The following BRINP3 variants were observed in gnomAD, a reference collection of about 807,000 sequenced individuals.
BRINP3 encodes BMP/retinoic acid inducible neural specific 3.
In BRINP3, 19 loss-of-function variants were observed where a neutral mutation model predicts 71.0. The ratio of observed to expected loss-of-function variants is 0.27; its 90% CI spans 0.19 to 0.39. BRINP3 has a LOEUF of 0.39. BRINP3 is among the 10% of genes least tolerant of loss of function. The pLI is 1.00. For missense variants in BRINP3, 959 were observed against 940.8 expected (o/e 1.02, Z -0.25); for synonymous variants, 380 against 337.7 (o/e 1.13, Z -1.37).
intron 2 of BRINP3, among the ~76,000 whole-genome samples, chr1:190,414,068 G>A (rs533273116): frequency 6.6e-6 from 1 of 152,138 alleles, no homozygotes; most frequent in East Asian, 1.9e-4. Flanking sequence ...GCTCAGGCAT[G>A]AGCCACCCTA....
chr1:190,242,763 T>C (rs1357670567), intron 4 of BRINP3, among the ~76,000 whole-genome samples: 1 of 152,082 alleles, frequency 6.6e-6, no homozygotes, highest in Non-Finnish European at 1.5e-5. Flanking sequence ...ATAAAGTATA[T>C]GCAGAATAAC....
intron 1 of BRINP3, among the ~76,000 whole-genome samples, chr1:190,458,041 A>G (rs909592219): frequency 6.6e-6 from 1 of 152,096 alleles, no homozygotes; most frequent in African/African-American, 2.4e-5. Context: ...AACATATGGG[A>G]AGATAGAAAG....
intron 2 of BRINP3, among the ~76,000 whole-genome samples, chr1:190,369,546 A>C (rs912936955): frequency 7.9e-5 from 12 of 152,270 alleles, no homozygotes; most frequent in African/African-American, 2.9e-4. Flanking sequence ...TATTCACATT[A>C]ATATTAAATG....
intron 2 of BRINP3, among the ~76,000 whole-genome samples, chr1:190,337,868 ATTGTTG>A (rs372440917): frequency 2.0e-5 from 3 of 151,704 alleles, no homozygotes; most frequent in South Asian, 2.1e-4. Context: ...CTTGGGTTTT[ATTGTTG>A]TTGTTGTTGT....
intron 2 of BRINP3, among the ~76,000 whole-genome samples, chr1:190,397,254 C>A (rs898543406): frequency 3.3e-5 from 5 of 151,938 alleles, no homozygotes; most frequent in African/African-American, 1.2e-4. Flanking sequence ...AAGAAAAATA[C>A]CAGTTTCATG....
At chr1:190,217,053 T>C (rs962746379) in intron 6 of BRINP3, 3 of 151,956 alleles carry the variant, frequency 2.0e-5, no homozygotes, top group Admixed American at 6.6e-5. Flanking sequence ...ATGTAGAGTA[T>C]AACAGGATTT....
intron 2 of BRINP3, among the ~76,000 whole-genome samples, chr1:190,397,586 A>C (rs949547977): frequency 1.3e-5 from 2 of 151,998 alleles, no homozygotes; most frequent in Non-Finnish European, 2.9e-5. Flanking sequence ...GAAACTCCTT[A>C]ATATAATTAT....
intron 4 of BRINP3, among the ~76,000 whole-genome samples, chr1:190,250,672 G>C (rs1411813033): frequency 6.6e-6 from 1 of 151,950 alleles, no homozygotes; most frequent in Non-Finnish European, 1.5e-5. Context: ...CTGTAGTATG[G>C]TTTAAGATAG....
Position 190,098,468 on chromosome 1 carries a change from T to C in BRINP3, c.1851A>G (p.Lys617=). Residue 617 remains lysine (K), a synonymous_variant, in exon 8 of 8, where the codon AAA becomes AAG. Coordinates refer to ENST00000367462, the MANE Select transcript of BRINP3 (RefSeq NM_199051.3). ...CYNWTLTLGN[K]WKTFFETVHI... ...GTACTGTCTCAAAAAATGTCTTCCA[T>C]TTGTTCCCCAGAGTTAATGTCCAGT... The C allele has an allele frequency of 6.2e-7, 1 of 1,614,146 alleles. No individual in the cohort carries two copies. The highest frequency in any genetic ancestry group is 8.5e-7 in the Non-Finnish European group (1 of 1,180,028).
chr1:190,373,324 AG>A (rs1486477755), intron 2 of BRINP3, among the ~76,000 whole-genome samples: 1 of 151,942 alleles, frequency 6.6e-6, no homozygotes, highest in Non-Finnish European at 1.5e-5. Context: ...CAGGAGGCGA[AG>A]GTTGCAGTGA....
At position 190,148,452 on chromosome 1, in the gene BRINP3, C is replaced by T. The variant is rs1307708839; in HGVS notation, c.1184+12216G>A. The stretch of plus-strand genomic sequence containing the variant: ...ACTAAAAATACAAAAAAAAACTAGC[C>T]GGGCGTGGTGGCGGGCGCCTGTAGT... On this transcript the variant is annotated intron_variant, in intron 7 of 7. Transcript: ENST00000367462. 4.6e-5 allele frequency among the ~76,000 whole-genome samples: 7 copies of T among 151,526 alleles called. 1 individual carries two copies. Among genetic ancestry groups the T allele is most frequent in the East Asian group, 3.9e-4 (2 of 5,134 alleles).
intron 7 of BRINP3, among the ~76,000 whole-genome samples, chr1:190,115,991 CT>C (rs1405250902): frequency 6.6e-6 from 1 of 152,070 alleles, no homozygotes; most frequent in Non-Finnish European, 1.5e-5. Context: ...ATTAACTTTG[CT>C]AATTCATTCA....
intron 2 of BRINP3, among the ~76,000 whole-genome samples, chr1:190,430,633 G>A (rs568730621): frequency 1.8e-4 from 27 of 152,150 alleles, no homozygotes; most frequent in Middle Eastern, 3.2e-3. Context: ...GGTATTACAC[G>A]TGAGTTTCTC....
chr1:190,458,144 G>C (rs1676134145), intron 1 of BRINP3, among the ~76,000 whole-genome samples: 1 of 151,878 alleles, frequency 6.6e-6, no homozygotes, highest in South Asian at 2.1e-4. Flanking sequence ...AATTATTTCT[G>C]TTTTTTCTAC....
intron 3 of BRINP3, among the ~76,000 whole-genome samples, chr1:190,276,848 G>A (rs1026035076): frequency 8.0e-5 from 12 of 150,108 alleles, no homozygotes; most frequent in African/African-American, 2.9e-4. Flanking sequence ...TAATCAAAAT[G>A]TATATTATCT....
chr1:190,324,444 A>G (rs1666451071), intron 2 of BRINP3, among the ~76,000 whole-genome samples: 1 of 151,914 alleles, frequency 6.6e-6, no homozygotes, highest in Non-Finnish European at 1.5e-5. Context: ...TTTATCAATA[A>G]TCAATAATAA....
intron 6 of BRINP3, among the ~76,000 whole-genome samples, chr1:190,196,322 A>G (rs765613976): frequency 6.6e-6 from 1 of 152,158 alleles, no homozygotes; most frequent in Non-Finnish European, 1.5e-5. Flanking sequence ...CTTGGGTGCT[A>G]TAAATCAAAT....
intron 2 of BRINP3, among the ~76,000 whole-genome samples, chr1:190,453,602 T>C: frequency 6.6e-6 from 1 of 152,320 alleles, no homozygotes; most frequent in African/African-American, 2.4e-5. Context: ...AAGGGATTTC[T>C]TATTTTTGAG....
intron 6 of BRINP3, among the ~76,000 whole-genome samples, chr1:190,179,450 T>C (rs906970906): frequency 2.0e-5 from 3 of 152,140 alleles, no homozygotes; most frequent in Non-Finnish European, 4.4e-5. Context: ...AAAAGACTGT[T>C]TGTAATCTTA....
Sources: gnomAD v4.1 joint callset for allele counts (sites outside exome capture counted in the v4.1 genomes callset) on GRCh38, gnomAD v4.1.1 for gene constraint, MANE v1.5 for transcripts, NCBI Gene and HGNC (gene_info 2026-07-23, HGNC 2026-07-21) for gene names.